The following FAM228B variants were observed in gnomAD, a reference collection of about 807,000 sequenced individuals.
FAM228B encodes the protein family with sequence similarity 228 member B, also known as protein FAM228B.
In FAM228B, 38 loss-of-function variants were observed where a neutral mutation model predicts 42.6. The observed-to-expected ratio is 0.89, with a 90% CI of 0.69 to 1.17. The LOEUF is 1.17. Among genes scored for constraint, FAM228B ranks in the 50% most tolerant of loss-of-function variants. FAM228B has a pLI of 0.00. For synonymous variants in FAM228B, 109 were observed against 122.3 expected (o/e 0.89, Z 0.72); for missense variants, 344 against 367.3 (o/e 0.94, Z 0.52).
At chr2:24,110,478 A>G (rs185559706) in intron 3 of FAM228B, among the ~76,000 whole-genome samples, 18 of 152,288 alleles carry the variant, frequency 1.2e-4, no homozygotes, top group East Asian at 5.8e-4. Context: ...ATTGAGTTCA[A>G]TCATATAGCC....
intron 2 of FAM228B, among the ~76,000 whole-genome samples, chr2:24,131,875 G>C (rs769755915): frequency 6.6e-6 from 1 of 152,194 alleles, no homozygotes; most frequent in African/African-American, 2.4e-5. Flanking sequence ...TGTTGAATAG[G>C]AATTGTGAGA....
chr2:24,092,239 A>T, intron 2 of FAM228B, among the ~76,000 whole-genome samples: 1 of 150,560 alleles, frequency 6.6e-6, no homozygotes, highest in South Asian at 2.1e-4. Flanking sequence ...AAAAAAAAAA[A>T]AAAAGGAATA....
At chr2:24,122,412 T>C (rs989690288), upstream of FAM228B, 3 of 1,599,370 alleles carry the variant, frequency 1.9e-6, no homozygotes, top group Non-Finnish European at 2.6e-6. Context: ...AACTTGTTTT[T>C]TCTTACATTG....
chr2:24,136,912 CA>C (rs1200353923), intron 3 of FAM228B, among the ~76,000 whole-genome samples: 2 of 152,138 alleles, frequency 1.3e-5, no homozygotes, highest in Admixed American at 1.3e-4. Context: ...ATTCAATAAG[CA>C]GTGACTCCTC....
intron 7 of FAM228B, among the ~76,000 whole-genome samples, chr2:24,155,527 ATATATTTT>A (rs1475638582): frequency 2.1e-4 from 4 of 19,004 alleles, no homozygotes; most frequent in East Asian, 1.3e-3. Flanking sequence ...ATATATATAT[ATATATTTT>A]TTTTTTTTTT....
At position 24,132,464 on chromosome 2, in the gene FAM228B, G is replaced by GAT. The variant is rs1553330887; in HGVS notation, c.100-2655_100-2654insAT. On this transcript the variant is annotated intron_variant, in intron 2 of 10. Coordinates refer to ENST00000615575, the MANE Select transcript of FAM228B (RefSeq NM_001145710.2). The stretch of plus-strand genomic sequence containing the variant: ...CATGAATCCCTCTGGTCCTGGGATT[G>GAT]TTTTTTTTTTTTTTTTTTTTTTTTT... Among the ~76,000 whole-genome samples, 3 of 55,984 alleles carry GAT rather than the reference G, an allele frequency of 5.4e-5. No individual in the cohort carries two copies. In the Admixed American group the frequency reaches 6.3e-4, roughly 12 times the overall value. The allele number at this position is 55,984 out of a possible 152,430, so 36.7% of individuals were successfully genotyped here.
intron 5 of FAM228B, among the ~76,000 whole-genome samples, chr2:24,141,358 T>C (rs1466598847): frequency 1.3e-5 from 2 of 152,084 alleles, no homozygotes; most frequent in Non-Finnish European, 2.9e-5. Context: ...ATTCTCCTGC[T>C]TCAGCCTCCT....
upstream of FAM228B, chr2:24,119,638 C>G (rs1250609954): frequency 6.2e-7 from 1 of 1,613,688 alleles, no homozygotes. Flanking sequence ...AAGTTGCTAC[C>G]AGAAGATACA....
intron 8 of FAM228B, among the ~76,000 whole-genome samples, chr2:24,162,457 C>G (rs909256327): frequency 6.6e-6 from 1 of 152,188 alleles, no homozygotes; most frequent in African/African-American, 2.4e-5. Flanking sequence ...CGTGCTGCCC[C>G]TCAGATATTG....
chr2:24,115,521 T>C (rs1665885451), intron 3 of FAM228B: 2 of 1,446,804 alleles, frequency 1.4e-6, no homozygotes, highest in Non-Finnish European at 1.9e-6. Context: ...AAATATTTTT[T>C]CTTTAGGCTC....
chr2:24,114,917 G>A (rs1053627844), intron 3 of FAM228B, among the ~76,000 whole-genome samples: 4 of 152,160 alleles, frequency 2.6e-5, no homozygotes, highest in Admixed American at 6.5e-5. Flanking sequence ...AAATCTTTTT[G>A]AGTTGATTTT....
chr2:24,126,807 A>G (rs868463036), intron 2 of FAM228B, among the ~76,000 whole-genome samples: 3 of 104,864 alleles, frequency 2.9e-5, no homozygotes, highest in South Asian at 2.7e-4. Flanking sequence ...ACAAAAAAAA[A>G]GTAGAGAGGG....
chr2:24,165,164 A>C (rs1573789337), intron 9 of FAM228B, among the ~76,000 whole-genome samples: 1 of 152,308 alleles, frequency 6.6e-6, no homozygotes, highest in Non-Finnish European at 1.5e-5. Flanking sequence ...AAGAAGAATC[A>C]TGAATTATTT....
intron 2 of FAM228B, among the ~76,000 whole-genome samples, chr2:24,081,787 CT>C (rs536277983): frequency 1.4e-3 from 205 of 151,574 alleles, no homozygotes; most frequent in African/African-American, 4.7e-3. Flanking sequence ...CCCACCCCCC[CT>C]GCGTTCATGC....
At chr2:24,116,393 T>C (rs1665918046) in intron 3 of FAM228B, among the ~76,000 whole-genome samples, 2 of 152,162 alleles carry the variant, frequency 1.3e-5, no homozygotes, top group South Asian at 2.1e-4. Context: ...GGTCTCACTA[T>C]GTTGCCCACA....
At chr2:24,144,834 C>G (rs1336876651) in intron 5 of FAM228B, among the ~76,000 whole-genome samples, 1 of 152,126 alleles carries the variant, frequency 6.6e-6, no homozygotes, top group African/African-American at 2.4e-5. Flanking sequence ...AGGTCCACAG[C>G]ACAGCCACCA....
chr2:24,084,250 C>G lies in FAM228B; in HGVS notation c.-210+3295C>G, dbSNP rs747503888. 1.5e-5 allele frequency: 25 copies of G among 1,614,038 alleles called. No individual in the cohort carries two copies. Among genetic ancestry groups the G allele is most frequent in the Non-Finnish European group, 1.9e-5 (23 of 1,180,014 alleles). On this transcript the variant is annotated intron_variant, in intron 2 of 10. Transcript: ENST00000613899. This position sits in a 1 kb window ranked among gnomAD's most constrained non-coding sequence, Gnocchi z 8.4. ...CACCTTCAGGAGGACTTCACCCTCC[C>G]CCGGGCTCGGCTTGGCCACCTCCTT...
chr2:24,120,208 G>A (rs1000436993), upstream of FAM228B, among the ~76,000 whole-genome samples: 26 of 152,174 alleles, frequency 1.7e-4, no homozygotes, highest in African/African-American at 5.8e-4. Context: ...GGTGGAGGTT[G>A]CAGTGAGCCG....
At chr2:24,159,645 C>G (rs1667242952) in intron 7 of FAM228B, among the ~76,000 whole-genome samples, 1 of 152,316 alleles carries the variant, frequency 6.6e-6, no homozygotes, top group South Asian at 2.1e-4. Context: ...TGGGAGACAG[C>G]TACAAAGAGG....
Sources: allele counts gnomAD v4.1 joint callset (sites outside exome capture counted in the v4.1 genomes callset), GRCh38; gene constraint gnomAD v4.1.1; non-coding constraint Gnocchi (gnomAD v3.1); transcripts MANE v1.5; gene names NCBI Gene and HGNC (gene_info 2026-07-23, HGNC 2026-07-21).